The following SCLT1 variants were observed in gnomAD, a reference collection of about 807,000 sequenced individuals.
The protein encoded by SCLT1 is sodium channel-associated protein 1.
In SCLT1, 78 loss-of-function variants were observed where a neutral mutation model predicts 112.8. That is an observed-to-expected ratio of 0.69 (90% CI 0.58 to 0.83). SCLT1 has a LOEUF of 0.83. SCLT1 is among the 40% of genes least tolerant of loss of function. The pLI is 0.00. For synonymous variants in SCLT1, 257 were observed against 254.7 expected (o/e 1.01, Z -0.09); for missense variants, 747 against 770.4 (o/e 0.97, Z 0.36).
chr4:129,024,787 G>A (rs1378162184), intron 5 of SCLT1, among the ~76,000 whole-genome samples: 1 of 152,154 alleles, frequency 6.6e-6, no homozygotes, highest in East Asian at 1.9e-4. Flanking sequence ...AGGCAAAGAA[G>A]TTAAAAACTT....
intron 18 of SCLT1, among the ~76,000 whole-genome samples, chr4:128,936,395 A>G (rs1392086263): frequency 1.3e-5 from 2 of 152,144 alleles, no homozygotes; most frequent in African/African-American, 4.8e-5. Flanking sequence ...GGCGAAATAG[A>G]TTTTGTTGCA....
At chr4:129,045,001 AAAG>A (rs773152539) in intron 2 of SCLT1, among the ~76,000 whole-genome samples, 16 of 152,042 alleles carry the variant, frequency 1.1e-4, no homozygotes, top group Admixed American at 2.6e-4. Flanking sequence ...GTGGTATATA[AAAG>A]AAGAAGAATT....
chr4:129,035,353 C>T lies in SCLT1; in HGVS notation c.290+3688G>A, dbSNP rs138595868. Among the ~76,000 whole-genome samples the T allele has an allele frequency of 1.6e-3, 247 of 152,258 alleles. 2 individuals carry two copies. The highest frequency in any genetic ancestry group is 0.014 in the East Asian group (71 of 5,178). On this transcript the variant is annotated intron_variant, in intron 5 of 20. Coordinates refer to ENST00000281142, the MANE Select transcript of SCLT1 (RefSeq NM_144643.4). ...TCAGAGAGAAAAACTTTTTCAGAAG[C>T]TCCACAAGGGACTTTCATCTCACTG...
intron 1 of SCLT1, among the ~76,000 whole-genome samples, chr4:129,083,660 A>G (rs1182959501): frequency 1.3e-5 from 2 of 152,004 alleles, no homozygotes; most frequent in Admixed American, 6.6e-5. Context: ...GCAAGACTCT[A>G]TCTCAGAAAA....
chr4:128,936,585 C>A, intron 18 of SCLT1, 70 bp downstream of exon 18: 1 of 873,354 alleles, frequency 1.1e-6, no homozygotes, highest in South Asian at 1.9e-5. Flanking sequence ...AAGATTATGG[C>A]AAGGACATTA....
At chr4:129,051,944 G>A (rs1579854240) in intron 2 of SCLT1, among the ~76,000 whole-genome samples, 1 of 152,154 alleles carries the variant, frequency 6.6e-6, no homozygotes, top group East Asian at 1.9e-4. Flanking sequence ...GAGGCCTGTT[G>A]AATTTTGTCG....
At chr4:128,992,395 G>A (rs1236954671) in intron 8 of SCLT1, among the ~76,000 whole-genome samples, 158 bp from the exon 9 acceptor site, 1 of 151,784 alleles carries the variant, frequency 6.6e-6, no homozygotes, top group East Asian at 1.9e-4. Context: ...TTCTTTCCTT[G>A]CCTTTACTAC....
chr4:129,021,853 C>T (rs1745506753), intron 5 of SCLT1, among the ~76,000 whole-genome samples: 1 of 152,214 alleles, frequency 6.6e-6, no homozygotes, highest in Admixed American at 6.5e-5. Context: ...GGGTCCCTGA[C>T]TCCCATGCCT....
chr4:129,002,529 C>A (rs1186749735), intron 6 of SCLT1, among the ~76,000 whole-genome samples: 1 of 151,578 alleles, frequency 6.6e-6, no homozygotes, highest in East Asian at 1.9e-4. Context: ...GGATTTTTTC[C>A]TTTAAAAATT....
intron 9 of SCLT1, among the ~76,000 whole-genome samples, chr4:128,985,490 G>C (rs1436498595): frequency 6.6e-6 from 1 of 152,040 alleles, no homozygotes; most frequent in African/African-American, 2.4e-5. Flanking sequence ...CTTTTGAAAT[G>C]CTTATTCATA....
In SCLT1 at chr4:128,959,711, G is replaced by A. The variant is rs150154545; in HGVS notation, c.936C>T (p.Thr312=). Residue 312 remains threonine, a synonymous_variant, in exon 12 of 21, where the codon ACC becomes ACT. Transcript: ENST00000281142. ...CATTGCACTTTGCTTGTAGCTCTCTGGTCTGTTTTTCCAGATGTGTATTTT... is the reference window on the plus strand; with the variant it reads ...CATTGCACTTTGCTTGTAGCTCTCTAGTCTGTTTTTCCAGATGTGTATTTT... ...RTENTHLEKQ[T]RELQAKCNEL... is the part of the protein sequence containing the mutation. 576 of 1,613,096 alleles carry A rather than the reference G, an allele frequency of 3.6e-4. 1 individual carries two copies. Among genetic ancestry groups the A allele is most frequent in the Non-Finnish European group, 7.5e-5 (88 of 1,179,518 alleles).
intron 20 of SCLT1, among the ~76,000 whole-genome samples, chr4:128,888,162 G>A (rs1349197907): frequency 6.6e-6 from 1 of 151,306 alleles, no homozygotes; most frequent in Non-Finnish European, 1.5e-5. Context: ...AATATAAATA[G>A]TGGCCTGTGG....
intron 2 of SCLT1, among the ~76,000 whole-genome samples, chr4:129,065,677 G>A (rs139738229): frequency 3.3e-4 from 50 of 152,048 alleles, no homozygotes; most frequent in South Asian, 6.2e-4. Context: ...AAATAAATGC[G>A]TTGTAATTTA....
intron 16 of SCLT1, 28 bp from the exon 17 acceptor site, chr4:128,943,216 C>G: frequency 6.7e-7 from 1 of 1,485,116 alleles, no homozygotes; most frequent in South Asian, 1.2e-5. Flanking sequence ...TGAAAAGAAT[C>G]CTTAAACTTA....
chr4:128,986,912 C>T (rs1053956700), intron 9 of SCLT1, among the ~76,000 whole-genome samples: 3 of 152,084 alleles, frequency 2.0e-5, no homozygotes, highest in African/African-American at 7.2e-5. Context: ...AGAGTGGGCA[C>T]GTCACCTCTC....
rs573473194 is a variant in SCLT1 at position 128,899,653 on chromosome 4, T to C, written c.1830-8516A>G. ...CCTCTCTCACCACTCCTATTCAACA[T>C]AGTGTTGGAAGTTCTGGCCAGGGCA... On this transcript the variant is annotated intron_variant, in intron 18 of 20. Transcript: ENST00000281142. 1.2e-4 allele frequency among the ~76,000 whole-genome samples: 19 copies of C among 152,194 alleles called. No homozygotes were observed. In the East Asian group the frequency reaches 3.7e-3, roughly 29 times the overall value.
chr4:128,957,170 T>C (rs1739289611), intron 12 of SCLT1, 46 bp from the exon 13 acceptor site: 1 of 1,187,148 alleles, frequency 8.4e-7, no homozygotes. Context: ...TTATTATTAG[T>C]AAAGATAATA....
At chr4:128,986,470 A>G (rs1742104468) in intron 9 of SCLT1, among the ~76,000 whole-genome samples, 3 of 152,194 alleles carry the variant, frequency 2.0e-5, no homozygotes, top group Admixed American at 6.5e-5. Context: ...CACTTAGGGT[A>G]CAATACAGTG....
chr4:129,024,797 T>C (rs907606633), intron 5 of SCLT1, among the ~76,000 whole-genome samples: 2 of 152,002 alleles, frequency 1.3e-5, no homozygotes, highest in African/African-American at 4.8e-5. Flanking sequence ...GTTAAAAACT[T>C]TGAAAAAAAT....
Sources: allele counts gnomAD v4.1 joint callset (sites outside exome capture counted in the v4.1 genomes callset), GRCh38; gene constraint gnomAD v4.1.1; transcripts MANE v1.5; gene names NCBI Gene and HGNC (gene_info 2026-07-23, HGNC 2026-07-21).